The following RNF43 variants were observed in gnomAD, a reference collection of about 807,000 sequenced individuals.
RNF43 encodes E3 ubiquitin-protein ligase RNF43.
Under a neutral mutation model 78.4 loss-of-function variants are expected in RNF43, and 37 were observed. The ratio of observed to expected loss-of-function variants is 0.47; its 90% CI spans 0.36 to 0.62. The LOEUF (loss-of-function observed/expected upper bound fraction) is 0.62. Ranked by LOEUF, RNF43 falls within the 20% of genes least tolerant of loss-of-function variation. The pLI, the probability that RNF43 is intolerant of heterozygous loss-of-function variation, is 0.00. For synonymous variants in RNF43, 347 were observed against 395.0 expected, an observed-to-expected ratio of 0.88 and a Z score of 1.44; for missense variants, 774 against 1,007.9, an observed-to-expected ratio of 0.77 and a Z score of 3.14.
rs151209912 is a variant in RNF43 at position 58,363,542 on chromosome 17, C to A, written c.434G>T (p.Arg145Leu). 6.2e-7 allele frequency: 1 copy of A among 1,612,454 alleles called. No homozygotes were observed. Among genetic ancestry groups the A allele is most frequent in the Admixed American group, 1.7e-5 (1 of 59,950 alleles). ...CCTGGGTACCTGCTCAGCAGCAGCT[C>A]GATCCTCAGTGATGTCAAAGAGGAC... ...SAVLFDITED[R>L]AAAEQLQQPL... Residue 145 changes from arginine (R) to leucine (L), a missense_variant, in exon 4 of 10, where the codon CGA becomes CTA. Arg to Leu is a moderately radical substitution (Grantham distance 102, BLOSUM62 -2). Transcript: ENST00000407977.
chr17:58,396,594 C>A (rs912317877), intron 2 of RNF43, among the ~76,000 whole-genome samples: 1 of 152,106 alleles, frequency 6.6e-6, no homozygotes, highest in Admixed American at 6.5e-5. Context: ...TCTCAACAGG[C>A]AAAATTTCAA....
intron 2 of RNF43, among the ~76,000 whole-genome samples, chr17:58,371,680 TG>T (rs1189071132): frequency 1.3e-5 from 2 of 152,192 alleles, no homozygotes; most frequent in Admixed American, 1.3e-4. Flanking sequence ...TATCTTGCAA[TG>T]AGGCTTGGCT....
At chr17:58,391,246 A>T (rs1303246101) in intron 2 of RNF43, among the ~76,000 whole-genome samples, 2 of 152,214 alleles carry the variant, frequency 1.3e-5, no homozygotes, top group African/African-American at 4.8e-5. Context: ...TGGAAAATTG[A>T]GCTGAAAAAT....
chr17:58,371,384 T>C (rs970008461), intron 2 of RNF43, among the ~76,000 whole-genome samples: 3 of 152,202 alleles, frequency 2.0e-5, no homozygotes, highest in African/African-American at 4.8e-5. Context: ...GGCCCCAGCC[T>C]CTCTACCTCC....
At chr17:58,368,549 T>TAAAAA in intron 3 of RNF43, among the ~76,000 whole-genome samples, 1 of 104,556 alleles carries the variant, frequency 9.6e-6, no homozygotes, top group Non-Finnish European at 2.1e-5. Flanking sequence ...TCCATCTCGT[T>TAAAAA]AAAAAAAAAA....
Position 58,415,660 on chromosome 17 carries a change from A to G in RNF43, c.-83T>C, listed in dbSNP as rs1413915250. ...AAATGCAGGTTCTCAGATCCAGACA[A>G]ATGGAGGAAAAGAACATTTATGCTT... is the stretch of plus-strand genomic sequence containing the variant. On this transcript the variant is annotated 5_prime_UTR_variant, in exon 2 of 10. Transcript: ENST00000407977. The G allele has an allele frequency of 2.0e-6, 3 of 1,476,792 alleles. No homozygotes were observed. The highest frequency in any genetic ancestry group is 2.0e-5 in the Admixed American group (1 of 51,236). The allele number at this position is 1,476,792 out of a possible 1,614,324, so 91.5% of individuals were successfully genotyped here.
intron 2 of RNF43, among the ~76,000 whole-genome samples, chr17:58,412,883 C>T (rs982641453): frequency 8.6e-5 from 13 of 151,604 alleles, no homozygotes; most frequent in South Asian, 2.1e-4. Context: ...TACATAGCAT[C>T]CTCAAGTTTA....
At chr17:58,366,324 G>A (rs1402421694) in intron 3 of RNF43, among the ~76,000 whole-genome samples, 1 of 152,148 alleles carries the variant, frequency 6.6e-6, no homozygotes, top group East Asian at 1.9e-4. Flanking sequence ...AGGTAGGGGT[G>A]GGGACAGGAA....
In RNF43 at chr17:58,367,814, C is replaced by T. The variant is rs115966183; in HGVS notation, c.375+3097G>A. ...AGATAACAAATGGAAGGAAAAATAC[C>T]GCAACCTTGTTAACTACAAAAGCAC... On this transcript the variant is annotated intron_variant, in intron 3 of 9. Coordinates refer to ENST00000407977, the MANE Select transcript of RNF43 (RefSeq NM_017763.6). 2.6e-3 allele frequency among the ~76,000 whole-genome samples: 403 copies of T among 152,196 alleles called. 2 individuals carry two copies. The highest frequency in any genetic ancestry group is 8.9e-3 in the African/African-American group (370 of 41,516).
intron 2 of RNF43, among the ~76,000 whole-genome samples, chr17:58,403,572 T>C (rs890742962): frequency 2.6e-5 from 4 of 152,172 alleles, no homozygotes; most frequent in Non-Finnish European, 4.4e-5. Context: ...GTCTACTGTA[T>C]GGCCCTCAGC....
chr17:58,362,978 A>G (rs145707765), intron 5 of RNF43, among the ~76,000 whole-genome samples: 2,172 of 152,320 alleles, frequency 0.014, 22 homozygotes, highest in South Asian at 0.02. Context: ...AGAAGCCCCA[A>G]TCAGGGGTCA....
chr17:58,363,691 T>C (rs530550869), intron 3 of RNF43, 91 bp from the exon 4 acceptor site: 1 of 1,086,330 alleles, frequency 9.2e-7, no homozygotes. Flanking sequence ...ATCTATCCCT[T>C]CCTAGGATTA....
At chr17:58,389,661 C>T (rs998783908) in intron 2 of RNF43, among the ~76,000 whole-genome samples, 2 of 152,126 alleles carry the variant, frequency 1.3e-5, no homozygotes, top group Non-Finnish European at 2.9e-5. Flanking sequence ...CCATTATTTC[C>T]CCATAATATT....
intron 2 of RNF43, among the ~76,000 whole-genome samples, chr17:58,410,134 C>G (rs148492087): frequency 6.6e-6 from 1 of 151,660 alleles, no homozygotes; most frequent in African/African-American, 2.4e-5. Flanking sequence ...GCTGAACTTA[C>G]AAATTTTTGT....
intron 2 of RNF43, among the ~76,000 whole-genome samples, chr17:58,384,804 G>C (rs983970845): frequency 3.3e-5 from 5 of 152,168 alleles, no homozygotes; most frequent in Admixed American, 2.6e-4. Flanking sequence ...TCAAAATGTT[G>C]CTTTCTTTTG....
At chr17:58,380,651 G>T (rs1973293292) in intron 2 of RNF43, among the ~76,000 whole-genome samples, 1 of 152,214 alleles carries the variant, frequency 6.6e-6, no homozygotes, top group African/African-American at 2.4e-5. Flanking sequence ...AAACACCAAA[G>T]AAATGAAACT....
chr17:58,392,018 G>C lies in RNF43; in HGVS notation c.253-20985C>G, dbSNP rs751011507. 7.2e-5 allele frequency among the ~76,000 whole-genome samples: 11 copies of C among 152,268 alleles called. No individual in the cohort carries two copies. The South Asian group carries it at 1.5e-3, about 20-fold the overall frequency. ...GAAAAACGACCCTCAAGATGAAACA[G>C]AAATCTACACCACATAATAGAGCAA... On this transcript the variant is annotated intron_variant, in intron 2 of 9. Transcript: ENST00000407977.
At chr17:58,388,837 G>T (rs1483983935) in intron 2 of RNF43, among the ~76,000 whole-genome samples, 1 of 152,182 alleles carries the variant, frequency 6.6e-6, no homozygotes, top group Non-Finnish European at 1.5e-5. Context: ...AAGAAACCAG[G>T]AGCCAGGTGA....
At position 58,358,932 on chromosome 17, in the gene RNF43, G is replaced by T; in HGVS notation, c.953-109C>A. ...CTATTTGACCCTGAGTAGCCTGTGA[G>T]CTCAGAGTTTGGGGGATCAAGGACG... On this transcript the variant is annotated intron_variant, in intron 8 of 9. Transcript: ENST00000407977. This position sits in a 1 kb window ranked among gnomAD's most constrained non-coding sequence, Gnocchi z 6.2. The T allele has an allele frequency of 8.4e-7, 1 of 1,197,500 alleles. No individual in the cohort carries two copies. Among genetic ancestry groups the T allele is most frequent in the Non-Finnish European group, 1.1e-6 (1 of 896,528 alleles). 74.2% of individuals were successfully genotyped at this position (1,197,500 alleles called of 1,614,324 possible). A position where few individuals can be genotyped will look rare whatever the true frequency, so the allele number is the denominator to read the frequency against.
Sources: gnomAD v4.1 joint callset for allele counts (sites outside exome capture counted in the v4.1 genomes callset) on GRCh38, gnomAD v4.1.1 for gene constraint, Gnocchi (gnomAD v3.1) non-coding constraint, MANE v1.5 for transcripts, NCBI Gene and HGNC (gene_info 2026-07-23, HGNC 2026-07-21) for gene names.